PARD3B: variants seen among roughly 807,000 people sequenced by gnomAD.
PARD3B encodes partitioning defective 3 homolog B.
PARD3B carries 103 observed loss-of-function variants against 130.2 expected under a neutral mutation model. That is an observed-to-expected ratio of 0.79 (90% CI 0.67 to 0.93). The LOEUF is 0.93. Ranked by LOEUF, PARD3B falls within the 40% of genes least tolerant of loss-of-function variation. PARD3B has a pLI of 0.00. For synonymous variants in PARD3B, 583 were observed against 553.2 expected, an observed-to-expected ratio of 1.05 and a Z score of -0.76; for missense variants, 1,609 against 1,499.2, an observed-to-expected ratio of 1.07 and a Z score of -1.21.
At chr2:205,221,229 CTT>C in intron 15 of PARD3B, among the ~76,000 whole-genome samples, 1 of 152,184 alleles carries the variant, frequency 6.6e-6, no homozygotes, top group Non-Finnish European at 1.5e-5. Flanking sequence ...TTACTCCACT[CTT>C]TGTGATTACT....
intron 3 of PARD3B, among the ~76,000 whole-genome samples, chr2:204,982,662 T>G (rs1237663155): frequency 6.6e-6 from 1 of 152,210 alleles, no homozygotes; most frequent in Non-Finnish European, 1.5e-5. Flanking sequence ...AGATTTTAAT[T>G]AGGTATATGG....
At chr2:204,618,778 C>A (rs917784937) in intron 1 of PARD3B, among the ~76,000 whole-genome samples, 5 of 152,050 alleles carry the variant, frequency 3.3e-5, no homozygotes, top group African/African-American at 4.8e-5. Flanking sequence ...TAGGACTGAA[C>A]CCCTCTAGTT....
intron 15 of PARD3B, among the ~76,000 whole-genome samples, chr2:205,224,081 A>C (rs1284518418): frequency 6.8e-6 from 1 of 146,422 alleles, no homozygotes; most frequent in Non-Finnish European, 1.5e-5. Flanking sequence ...AAAAAAGAAA[A>C]TAAATGGGCC....
At chr2:204,693,191 C>A (rs377121046) in intron 2 of PARD3B, among the ~76,000 whole-genome samples, 5 of 151,986 alleles carry the variant, frequency 3.3e-5, no homozygotes, top group East Asian at 1.9e-4. Flanking sequence ...CCAATTTATT[C>A]TTTCCTTTAT....
At chr2:204,709,811 T>C (rs967844062) in intron 2 of PARD3B, among the ~76,000 whole-genome samples, 1 of 152,222 alleles carries the variant, frequency 6.6e-6, no homozygotes, top group African/African-American at 2.4e-5. Flanking sequence ...ACACTTTGCA[T>C]GCTCAGAATT....
At chr2:204,699,514 G>A (rs541278612) in intron 2 of PARD3B, among the ~76,000 whole-genome samples, 2 of 152,200 alleles carry the variant, frequency 1.3e-5, no homozygotes, top group Admixed American at 1.3e-4. Flanking sequence ...GAGGTTAAGC[G>A]AGTGAGATTC....
chr2:205,330,637 G>T (rs1167867961), intron 18 of PARD3B, among the ~76,000 whole-genome samples: 1 of 152,164 alleles, frequency 6.6e-6, no homozygotes, highest in Non-Finnish European at 1.5e-5. Context: ...CCTTTTAGTT[G>T]TCATTTAAAA....
rs527983633 is a variant in PARD3B, at chr2:204,762,226, A to G, written c.222+75944A>G. ...AACCTCTGCCTCCCAGGTTCAAGTG[A>G]TTCTCCTGCCTCAGCCTCCTGAGTA... On this transcript the variant is annotated intron_variant, in intron 2 of 22. Coordinates refer to ENST00000406610, the MANE Select transcript of PARD3B (RefSeq NM_001302769.2). Among the ~76,000 whole-genome samples the G allele has an allele frequency of 8.3e-5, 12 of 145,242 alleles. No individual in the cohort carries two copies. The East Asian group carries it at 2.5e-3, about 30-fold the overall frequency.
intron 18 of PARD3B, among the ~76,000 whole-genome samples, chr2:205,377,163 A>G (rs2045091142): frequency 6.6e-6 from 1 of 152,174 alleles, no homozygotes; most frequent in African/African-American, 2.4e-5. Context: ...AGTTACCATA[A>G]AAAGTTGGAG....
At chr2:205,540,005 T>C (rs2052050528) in intron 21 of PARD3B, among the ~76,000 whole-genome samples, 1 of 152,308 alleles carries the variant, frequency 6.6e-6, no homozygotes, top group Admixed American at 6.5e-5. Context: ...TTAGTATCAC[T>C]ACTCAGCTTG....
At chr2:205,211,553 G>A (rs2037635029) in intron 15 of PARD3B, among the ~76,000 whole-genome samples, 1 of 152,182 alleles carries the variant, frequency 6.6e-6, no homozygotes, top group Admixed American at 6.6e-5. Flanking sequence ...AGTGAATAAA[G>A]TTGCTGGAAA....
chr2:204,629,237 C>A (rs2034597573), intron 1 of PARD3B, among the ~76,000 whole-genome samples: 1 of 152,130 alleles, frequency 6.6e-6, no homozygotes, highest in Non-Finnish European at 1.5e-5. Context: ...AGATGACATC[C>A]TTTGAAAATC....
intron 22 of PARD3B, among the ~76,000 whole-genome samples, chr2:205,574,501 T>C (rs1487338074): frequency 3.9e-5 from 6 of 152,124 alleles, no homozygotes; most frequent in African/African-American, 1.2e-4. Context: ...CCATACACCA[T>C]AGTGACAATG....
In PARD3B at chr2:205,325,229, A is replaced by G. The variant is rs1348968749; in HGVS notation, c.2630+23528A>G. 1.3e-5 allele frequency among the ~76,000 whole-genome samples: 2 copies of G among 152,190 alleles called. No individual in the cohort carries two copies. The highest frequency in any genetic ancestry group is 2.9e-5 in the Non-Finnish European group (2 of 68,046). On this transcript the variant is annotated intron_variant, in intron 18 of 22. Coordinates refer to ENST00000406610, the MANE Select transcript of PARD3B (RefSeq NM_001302769.2). The surrounding 1 kb of genome is among the most constrained non-coding windows in gnomAD (Gnocchi z 4.1). Reference sequence around the variant, plus strand: ...GGTTTCACAGTTTCTTGAAGAGCTTAGATTTCTGAGGTGTTATACAATGTT... The same window carrying G: ...GGTTTCACAGTTTCTTGAAGAGCTTGGATTTCTGAGGTGTTATACAATGTT...
At chr2:205,162,144 C>T (rs891512688) in intron 11 of PARD3B, among the ~76,000 whole-genome samples, 5 of 152,206 alleles carry the variant, frequency 3.3e-5, no homozygotes, top group African/African-American at 9.6e-5. Context: ...GAGCAGCCAG[C>T]TACTCTAGGA....
intron 11 of PARD3B, among the ~76,000 whole-genome samples, chr2:205,170,120 G>A (rs1025941152): frequency 6.6e-5 from 10 of 151,984 alleles, no homozygotes; most frequent in Admixed American, 3.3e-4. Flanking sequence ...AGTAGAGACG[G>A]GGTTTCTCCA....
At position 205,397,208 on chromosome 2, in the gene PARD3B, C is replaced by G. The variant is rs568463137; in HGVS notation, c.2631-3805C>G. On this transcript the variant is annotated intron_variant, in intron 18 of 22. Coordinates refer to ENST00000406610, the MANE Select transcript of PARD3B (RefSeq NM_001302769.2). The surrounding 1 kb of genome is among the most constrained non-coding windows in gnomAD (Gnocchi z 4.8). ...TTTTATAATGCTTTTCTTGGGCCTA[C>G]CCAAACTTTACAAAATAAGGTAATT... Among the ~76,000 whole-genome samples, 1 of 152,232 alleles carries G rather than the reference C, an allele frequency of 6.6e-6. No individual in the cohort carries two copies. The highest frequency in any genetic ancestry group is 6.5e-5 in the Admixed American group (1 of 15,294).
At chr2:205,118,691 C>G (rs1271403570) in intron 6 of PARD3B, among the ~76,000 whole-genome samples, 1 of 152,078 alleles carries the variant, frequency 6.6e-6, no homozygotes, top group African/African-American at 2.4e-5. Flanking sequence ...GAAATGAAGT[C>G]GCAGATTGAT....
intron 18 of PARD3B, among the ~76,000 whole-genome samples, chr2:205,387,052 AAGTC>A (rs1414119713): frequency 2.6e-5 from 4 of 152,184 alleles, no homozygotes; most frequent in African/African-American, 4.8e-5. Flanking sequence ...TGCTTGCATA[AAGTC>A]AGTCAGTATA....
Sources: gnomAD v4.1 joint callset for allele counts (sites outside exome capture counted in the v4.1 genomes callset) on GRCh38, gnomAD v4.1.1 for gene constraint, Gnocchi (gnomAD v3.1) non-coding constraint, MANE v1.5 for transcripts, NCBI Gene and HGNC (gene_info 2026-07-23, HGNC 2026-07-21) for gene names.